Variants in RYR2 observed in about 807,000 individuals in gnomAD.
RYR2 encodes cardiac muscle ryanodine receptor-calcium release channel.
In RYR2, 227 loss-of-function variants were observed where a neutral mutation model predicts 601.1. The ratio of observed to expected loss-of-function variants is 0.38; its 90% CI spans 0.34 to 0.42. The LOEUF (loss-of-function observed/expected upper bound fraction) is 0.42. Among genes scored for constraint, RYR2 ranks in the 10% least tolerant of loss-of-function variants. The pLI is 1.00. For synonymous variants in RYR2, 2,223 were observed against 2,175.1 expected, an observed-to-expected ratio of 1.02 and a Z score of -0.61; for missense variants, 4,646 against 6,156.5, an observed-to-expected ratio of 0.75 and a Z score of 8.21.
At chr1:237,738,715 TG>T (rs1025657873) in intron 79 of RYR2, among the ~76,000 whole-genome samples, 1 of 152,142 alleles carries the variant, frequency 6.6e-6, no homozygotes, top group Non-Finnish European at 1.5e-5. Context: ...TATTTCCCTT[TG>T]GGCAGATATA....
intron 25 of RYR2, among the ~76,000 whole-genome samples, chr1:237,540,326 A>G: frequency 6.6e-6 from 1 of 152,216 alleles, no homozygotes; most frequent in East Asian, 1.9e-4. Context: ...TCTGAATATT[A>G]ATGGCATTCA....
chr1:237,634,766 A>T (rs777081888), intron 43 of RYR2, 123 bp from the exon 44 acceptor site: 24 of 651,400 alleles, frequency 3.7e-5, no homozygotes, highest in African/African-American at 5.5e-5. Flanking sequence ...ATGTAAATCA[A>T]TGTAGATTAA....
intron 1 of RYR2, among the ~76,000 whole-genome samples, chr1:237,258,076 G>A (rs1323240698): frequency 6.6e-6 from 1 of 151,272 alleles, no homozygotes; most frequent in Non-Finnish European, 1.5e-5. Context: ...GCTGAGGCAG[G>A]AGAATCCCTT....
intron 2 of RYR2, among the ~76,000 whole-genome samples, chr1:237,302,182 A>G (rs2149457035): frequency 6.6e-6 from 1 of 152,186 alleles, no homozygotes; most frequent in South Asian, 2.1e-4. Flanking sequence ...TCAAACTTCC[A>G]CTCAAAAGCT....
intron 1 of RYR2, among the ~76,000 whole-genome samples, chr1:237,249,378 C>T (rs1442393638): frequency 6.6e-6 from 1 of 152,206 alleles, no homozygotes; most frequent in African/African-American, 2.4e-5. Context: ...GCTGCTGAAA[C>T]TGCATATGAC....
At chr1:237,448,449 G>A (rs1657659029) in intron 14 of RYR2, among the ~76,000 whole-genome samples, 1 of 152,124 alleles carries the variant, frequency 6.6e-6, no homozygotes, top group South Asian at 2.1e-4. Flanking sequence ...TGTTTCATGT[G>A]AATTTGAAAA....
chr1:237,434,022 A>G (rs1707105582), intron 12 of RYR2, among the ~76,000 whole-genome samples: 1 of 152,226 alleles, frequency 6.6e-6, no homozygotes, highest in South Asian at 2.1e-4. Flanking sequence ...TGCAAATCTC[A>G]GCTTTCATCT....
intron 79 of RYR2, among the ~76,000 whole-genome samples, chr1:237,736,909 ACT>A (rs1691198202): frequency 6.6e-6 from 1 of 152,090 alleles, no homozygotes. Flanking sequence ...TTTCTGCCAG[ACT>A]CTTGTTGAGA....
intron 1 of RYR2, among the ~76,000 whole-genome samples, chr1:237,168,768 C>T (rs1025642608): frequency 3.9e-5 from 6 of 152,076 alleles, no homozygotes; most frequent in Non-Finnish European, 8.8e-5. Context: ...TTTCAGATGT[C>T]GAATGCTCTA....
intron 1 of RYR2, among the ~76,000 whole-genome samples, chr1:237,082,042 A>G (rs912365245): frequency 2.6e-5 from 4 of 152,136 alleles, no homozygotes; most frequent in African/African-American, 4.8e-5. Context: ...TGTCCTAGTG[A>G]CACCCTGTGT....
intron 1 of RYR2, among the ~76,000 whole-genome samples, chr1:237,054,936 A>G (rs1661789263): frequency 6.6e-6 from 1 of 151,876 alleles, no homozygotes; most frequent in Admixed American, 6.5e-5. Flanking sequence ...GCCCTGTTCT[A>G]TGTTCAGGAG....
At chr1:237,094,541 T>C (rs2148480555) in intron 1 of RYR2, among the ~76,000 whole-genome samples, 1 of 152,064 alleles carries the variant, frequency 6.6e-6, no homozygotes, top group African/African-American at 2.4e-5. Context: ...TTCACAGTTT[T>C]ATGAATGCAT....
At chr1:237,280,397 A>G (rs1690736159) in intron 2 of RYR2, among the ~76,000 whole-genome samples, 1 of 152,118 alleles carries the variant, frequency 6.6e-6, no homozygotes, top group African/African-American at 2.4e-5. Flanking sequence ...TCTTCTCTCT[A>G]CTTTATTCAT....
chr1:237,233,609 T>C (rs926595134), intron 1 of RYR2, among the ~76,000 whole-genome samples: 4 of 152,210 alleles, frequency 2.6e-5, no homozygotes, highest in Non-Finnish European at 5.9e-5. Context: ...AGCATATGCA[T>C]GTCAGTCAAG....
chr1:237,061,435 A>C (rs1662882013), intron 1 of RYR2, among the ~76,000 whole-genome samples: 1 of 152,146 alleles, frequency 6.6e-6, no homozygotes, highest in South Asian at 2.1e-4. Context: ...TTTCTGCCTC[A>C]GCCTCCCAAG....
At position 237,106,341 on chromosome 1, in the gene RYR2, A is replaced by C. The variant is rs1377376566; in HGVS notation, c.48+63772A>C. On this transcript the variant is annotated intron_variant, in intron 1 of 104. Transcript: ENST00000366574. This position sits in a 1 kb window ranked among gnomAD's most constrained non-coding sequence, Gnocchi z 4.4. The stretch of plus-strand genomic sequence containing the variant: ...CTTGCAGCACGGTGGCAGCAGGGGG[A>C]GGTGGCACCGAGCAGCAGGACCCTG... Among the ~76,000 whole-genome samples the C allele has an allele frequency of 1.3e-5, 2 of 151,924 alleles. No homozygotes were observed. Among genetic ancestry groups the C allele is most frequent in the Non-Finnish European group, 2.9e-5 (2 of 67,968 alleles).
chr1:237,779,948 A>ATGTC (rs1447883236), intron 88 of RYR2, among the ~76,000 whole-genome samples: 2 of 152,138 alleles, frequency 1.3e-5, no homozygotes, highest in Non-Finnish European at 2.9e-5. Flanking sequence ...TAGACCAGCT[A>ATGTC]TGTCTGCTAA....
rs576499807 is a variant in RYR2 at position 237,491,675 on chromosome 1, T to C, written c.1709-131T>C. On this transcript the variant is annotated intron_variant, in intron 17 of 104. Coordinates refer to ENST00000366574, the MANE Select transcript of RYR2 (RefSeq NM_001035.3). ...CCACCTGTCACCTATCACAGTGCCT[T>C]GTAACAGTCACATTGAGCACAGATA... 143 of 584,300 alleles carry C rather than the reference T, an allele frequency of 2.4e-4. 2 individuals carry two copies. In the South Asian group the frequency reaches 3.0e-3, roughly 12 times the overall value. The allele number at this position is 584,300 out of a possible 1,614,324, so 36.2% of individuals were successfully genotyped here. A position where few individuals can be genotyped will look rare whatever the true frequency, so the allele number is the denominator to read the frequency against.
In RYR2 at chr1:237,512,975, A is replaced by G. The variant is rs528558642; in HGVS notation, c.2822+1184A>G. On this transcript the variant is annotated intron_variant, in intron 24 of 104. Coordinates refer to ENST00000366574, the MANE Select transcript of RYR2 (RefSeq NM_001035.3). ...CACAGGCTGGATCATGGCGCACTGC[A>G]GCCTGCAACTCCTGGGTTCAGGTGA... Among the ~76,000 whole-genome samples the G allele has an allele frequency of 2.0e-5, 3 of 152,318 alleles. No individual in the cohort carries two copies. The South Asian group carries it at 6.2e-4, about 32-fold the overall frequency.
Sources: allele counts gnomAD v4.1 joint callset (sites outside exome capture counted in the v4.1 genomes callset), GRCh38; gene constraint gnomAD v4.1.1; non-coding constraint Gnocchi (gnomAD v3.1); transcripts MANE v1.5; gene names NCBI Gene and HGNC (gene_info 2026-07-23, HGNC 2026-07-21).